FMNL1: variants seen among roughly 807,000 people sequenced by gnomAD.
The protein encoded by FMNL1 is formin-like protein 1.
FMNL1 carries 43 observed loss-of-function variants against 121.3 expected under a neutral mutation model. The ratio of observed to expected loss-of-function variants is 0.35; its 90% CI spans 0.28 to 0.46. The LOEUF (loss-of-function observed/expected upper bound fraction) is 0.46, where lower values mean the gene tolerates loss of function less well. Ranked by LOEUF, FMNL1 falls within the 20% of genes least tolerant of loss-of-function variation. The pLI, the probability that FMNL1 is intolerant of heterozygous loss-of-function variation, is 1.00. For synonymous variants in FMNL1, 613 were observed against 613.5 expected (o/e 1.00, Z 0.01); for missense variants, 1,191 against 1,482.4 (o/e 0.80, Z 3.23).
chr17:45,244,608 G>A (rs2043786962), intron 19 of FMNL1, among the ~76,000 whole-genome samples: 2 of 152,216 alleles, frequency 1.3e-5, no homozygotes. Context: ...ACAAAATTTG[G>A]TGTGCCCATG....
At chr17:45,245,174 TA>T in intron 21 of FMNL1, 66 bp downstream of exon 21, 3 of 1,610,366 alleles carry the variant, frequency 1.9e-6, no homozygotes, top group African/African-American at 1.3e-5. Context: ...GGGAGAAAGC[TA>T]GGGGGCCACA....
intron 16 of FMNL1, 115 bp downstream of exon 16, chr17:45,242,580 G>A: frequency 6.8e-7 from 1 of 1,462,130 alleles, no homozygotes; most frequent in Non-Finnish European, 9.1e-7. Context: ...AGATGAGGAG[G>A]GGGAGGCCCA....
At chr17:45,245,556 G>T in intron 22 of FMNL1, 76 bp from the exon 23 acceptor site, 1 of 1,605,114 alleles carries the variant, frequency 6.2e-7, no homozygotes, top group Non-Finnish European at 8.5e-7. Flanking sequence ...GAGGAGCTCA[G>T]ATCAGGTGGC....
intron 1 of FMNL1, among the ~76,000 whole-genome samples, chr17:45,224,419 G>A (rs374964423): frequency 9.9e-5 from 15 of 152,170 alleles, no homozygotes; most frequent in Non-Finnish European, 2.1e-4. Context: ...TCCTGTCCTC[G>A]GTCAGTGTCT....
chr17:45,243,410 G>A (rs1285686221), intron 17 of FMNL1, 90 bp downstream of exon 17: 13 of 1,433,996 alleles, frequency 9.1e-6, no homozygotes, highest in South Asian at 1.3e-5. Context: ...AGCCTCAATG[G>A]TGAGCTCTTT....
chr17:45,233,083 AGGT>A lies in FMNL1; in HGVS notation c.328-135_328-133del, dbSNP rs1249906716. 1.1e-5 allele frequency: 8 copies of A among 756,872 alleles called. No individual in the cohort carries two copies. In the East Asian group the frequency reaches 2.2e-4, roughly 21 times the overall value. 46.9% of individuals were successfully genotyped at this position (756,872 alleles called of 1,614,324 possible). ...CTTATTCTGCTGGGCAGGTGTGTGG[AGGT>A]GGTGGGGGAGGCTGAGCATGAAAGG... is the stretch of plus-strand genomic sequence containing the variant. On this transcript the variant is annotated intron_variant, in intron 3 of 26. Transcript: ENST00000331495. This position sits in a 1 kb window ranked among gnomAD's most constrained non-coding sequence, Gnocchi z 4.1.
At chr17:45,236,276 G>A in intron 7 of FMNL1, 32 bp downstream of exon 7, 1 of 1,587,072 alleles carries the variant, frequency 6.3e-7, no homozygotes, top group Non-Finnish European at 8.6e-7. Context: ...TGGCGACTAG[G>A]GAGCCCAGCC....
chr17:45,246,851 C>T lies in FMNL1; in HGVS notation c.*9-16C>T, dbSNP rs1177731215. ...GCGGACTCCTGAATGGTAAATGTGTCTCCTTCGGCTGCCAGATCTGCGGAA... is the reference window on the plus strand; with the variant it reads ...GCGGACTCCTGAATGGTAAATGTGTTTCCTTCGGCTGCCAGATCTGCGGAA... On this transcript the variant is annotated splice_polypyrimidine_tract_variant and intron_variant, in intron 26 of 26. Transcript: ENST00000331495. The T allele has an allele frequency of 1.4e-6, 1 of 714,574 alleles. No homozygotes were observed. Among genetic ancestry groups the T allele is most frequent in the African/African-American group, 1.7e-5 (1 of 57,944 alleles). 44.3% of individuals were successfully genotyped at this position (714,574 alleles called of 1,614,324 possible). A position where few individuals can be genotyped will look rare whatever the true frequency, so the allele number is the denominator to read the frequency against.
At chr17:45,238,854 G>A in intron 10 of FMNL1, 101 bp from the exon 11 acceptor site, 1 of 1,137,506 alleles carries the variant, frequency 8.8e-7, no homozygotes, top group South Asian at 1.3e-5. Flanking sequence ...AGTGGAGTGA[G>A]AACTGTGGAG....
chr17:45,245,918 C>A lies in FMNL1; in HGVS notation c.3035C>A (p.Ala1012Asp). 1 of 1,591,122 alleles carries A rather than the reference C, an allele frequency of 6.3e-7. No individual in the cohort carries two copies. Among genetic ancestry groups the A allele is most frequent in the Non-Finnish European group, 8.5e-7 (1 of 1,172,358 alleles). Residue 1012 changes from alanine to aspartate, a missense_variant, in exon 24 of 27, where the codon GCT (alanine) becomes GAT (aspartate). Transcript: ENST00000331495. ...GTGGAACAGTGGAAAAAAGAAGCCG[C>A]TGCCCAGGAGGCAGGCGCTGATACC... ...QEVEQWKKEAAAQEAGADTPG... is the reference protein window; with the variant it reads ...QEVEQWKKEADAQEAGADTPG...
At chr17:45,227,446 TC>T (rs1038713293) in intron 1 of FMNL1, among the ~76,000 whole-genome samples, 4 of 151,956 alleles carry the variant, frequency 2.6e-5, no homozygotes, top group Non-Finnish European at 5.9e-5. Flanking sequence ...AGGAGAATGG[TC>T]CCCACACATT....
intron 1 of FMNL1, among the ~76,000 whole-genome samples, chr17:45,228,151 G>T (rs1047594112): frequency 9.2e-5 from 14 of 152,190 alleles, no homozygotes; most frequent in African/African-American, 3.4e-4. Flanking sequence ...GCATCTGATG[G>T]CCCCTCTCCT....
intron 26 of FMNL1, 75 bp from the exon 27 acceptor site, chr17:45,246,792 G>A (rs1300698111): frequency 5.7e-6 from 4 of 705,258 alleles, no homozygotes; most frequent in Non-Finnish European, 1.0e-5. Context: ...AGGAGGCTAA[G>A]CTTTGTGCCC....
chr17:45,234,918 G>A (rs1259526593), intron 6 of FMNL1: 1 of 153,160 alleles, frequency 6.5e-6, no homozygotes, highest in Non-Finnish European at 1.5e-5. Context: ...GGGTTAGGAT[G>A]AGGTATTCAA....
At chr17:45,222,948 G>A (rs113649231) in intron 1 of FMNL1, among the ~76,000 whole-genome samples, 1 of 152,214 alleles carries the variant, frequency 6.6e-6, no homozygotes, top group Non-Finnish European at 1.5e-5. Flanking sequence ...GAATTGGAGC[G>A]GGGTCGCTGG....
rs2043491911 is a variant in FMNL1 at position 45,233,797 on chromosome 17, C to T, written c.485+66C>T. On this transcript the variant is annotated intron_variant, in intron 5 of 26. Transcript: ENST00000331495. This position sits in a 1 kb window ranked among gnomAD's most constrained non-coding sequence, Gnocchi z 4.1. The stretch of plus-strand genomic sequence containing the variant: ...CTTTGATCCCCGTCTCCCTGCATCT[C>T]ACCCACTCCCCTGGCCAGTTTCAAG... The T allele has an allele frequency of 1.3e-6, 2 of 1,586,380 alleles. No individual in the cohort carries two copies. The highest frequency in any genetic ancestry group is 1.1e-5 in the South Asian group (1 of 89,402).
At chr17:45,244,748 C>T in intron 19 of FMNL1, 71 bp from the exon 20 acceptor site, 1 of 1,505,456 alleles carries the variant, frequency 6.6e-7, no homozygotes, top group Non-Finnish European at 9.0e-7. Context: ...CTCTTCTCCT[C>T]CTTGTGCAAT....
chr17:45,243,969 A>C lies in FMNL1; in HGVS notation c.2392A>C (p.Met798Leu). 1.2e-6 allele frequency: 2 copies of C among 1,613,052 alleles called. No individual in the cohort carries two copies. Among genetic ancestry groups the C allele is most frequent in the Non-Finnish European group, 8.5e-7 (1 of 1,179,954 alleles). The change falls in exon 18 of 27, where the codon ATG becomes CTG. Residue 798 changes from methionine (M) to leucine (L), a missense_variant. Physicochemically the swap from Met to Leu is conservative, Grantham distance 15. Around this residue, in one of 4 missense-constraint regions of FMNL1, gnomAD observed 367 missense variants for 528.6 expected, o/e 0.69. Coordinates refer to ENST00000331495, the MANE Select transcript of FMNL1 (RefSeq NM_005892.4). ...FSRIPRLPERMTTLTFLGNFP... is the reference protein window; with the variant it reads ...FSRIPRLPERLTTLTFLGNFP... ...CCGCATCCCGCGCCTGCCGGAGCGCATGACCACACTCACCTTCCTGGGCAA... is the reference window on the plus strand; with the variant it reads ...CCGCATCCCGCGCCTGCCGGAGCGCCTGACCACACTCACCTTCCTGGGCAA...
chr17:45,231,421 G>A lies in FMNL1; in HGVS notation c.213+734G>A, dbSNP rs1374877429. Reference sequence around the variant, plus strand: ...GCTAATGAAGCAGATGGCCTGAGCCGGCTGGGCAGCAGTCCAGGGGTAAGG... The same window carrying A: ...GCTAATGAAGCAGATGGCCTGAGCCAGCTGGGCAGCAGTCCAGGGGTAAGG... On this transcript the variant is annotated intron_variant, in intron 2 of 26. Coordinates refer to ENST00000331495, the MANE Select transcript of FMNL1 (RefSeq NM_005892.4). The surrounding 1 kb of genome is among the most constrained non-coding windows in gnomAD (Gnocchi z 4.7). The A allele has an allele frequency of 2.0e-5, 3 of 152,568 alleles. No individual in the cohort carries two copies. Among genetic ancestry groups the A allele is most frequent in the East Asian group, 3.9e-4 (2 of 5,182 alleles). The allele number at this position is 152,568 out of a possible 1,614,324, so 9.5% of individuals were successfully genotyped here. A position where few individuals can be genotyped will look rare whatever the true frequency, so the allele number is the denominator to read the frequency against.
Sources: allele counts gnomAD v4.1 joint callset (sites outside exome capture counted in the v4.1 genomes callset), GRCh38; gene constraint gnomAD v4.1.1; regional missense constraint gnomAD v4.1.1; non-coding constraint Gnocchi (gnomAD v3.1); transcripts MANE v1.5; gene names NCBI Gene and HGNC (gene_info 2026-07-23, HGNC 2026-07-21).